Variants in PIK3AP1 observed in about 807,000 individuals in gnomAD.
PIK3AP1 encodes phosphoinositide-3-kinase adaptor protein 1, also known as phosphoinositide 3-kinase adapter protein 1.
Under a neutral mutation model 88.1 loss-of-function variants are expected in PIK3AP1, and 21 were observed. That is an observed-to-expected ratio of 0.24 (90% CI 0.17 to 0.34). The LOEUF (loss-of-function observed/expected upper bound fraction) is 0.34, where lower values mean the gene tolerates loss of function less well. PIK3AP1 is among the 10% of genes least tolerant of loss of function. PIK3AP1 has a pLI of 1.00. For missense variants in PIK3AP1, 828 were observed against 1,035.7 expected (o/e 0.80, Z 2.75); for synonymous variants, 398 against 400.0 (o/e 1.00, Z 0.06).
chr10:96,607,866 G>T (rs1849028895), intron 14 of PIK3AP1, among the ~76,000 whole-genome samples: 1 of 152,194 alleles, frequency 6.6e-6, no homozygotes. Context: ...TAAGTTGTAG[G>T]ATAAGGTATA....
In PIK3AP1 at chr10:96,679,334, C is replaced by A. The variant is rs573956699; in HGVS notation, c.431-22400G>T. On this transcript the variant is annotated intron_variant, in intron 2 of 16. Transcript: ENST00000339364. Reference sequence around the variant, plus strand: ...TTTGAGGTCAAGAGTTTGAGACCAGCCTGGCCAACATGGTGAAACCCCGCC... The same window carrying A: ...TTTGAGGTCAAGAGTTTGAGACCAGACTGGCCAACATGGTGAAACCCCGCC... Among the ~76,000 whole-genome samples, 9 of 152,166 alleles carry A rather than the reference C, an allele frequency of 5.9e-5. No homozygotes were observed. In the East Asian group the frequency reaches 1.5e-3, roughly 26 times the overall value.
intron 2 of PIK3AP1, among the ~76,000 whole-genome samples, chr10:96,705,429 C>G (rs1286518871): frequency 6.6e-6 from 1 of 152,184 alleles, no homozygotes; most frequent in Non-Finnish European, 1.5e-5. Context: ...CCTTCAAAGG[C>G]AACCCATTCC....
intron 2 of PIK3AP1, among the ~76,000 whole-genome samples, chr10:96,692,811 C>T (rs1010259166): frequency 9.9e-5 from 15 of 152,102 alleles, no homozygotes; most frequent in Admixed American, 8.5e-4. Flanking sequence ...AATAAATAAA[C>T]TTATTTTCTT....
chr10:96,605,440 G>A (rs1311566605), intron 14 of PIK3AP1, among the ~76,000 whole-genome samples: 1 of 152,160 alleles, frequency 6.6e-6, no homozygotes, highest in Non-Finnish European at 1.5e-5. Flanking sequence ...CACAGCATTA[G>A]AAGAAAGCCC....
chr10:96,628,082 G>A (rs1199723725), intron 9 of PIK3AP1, among the ~76,000 whole-genome samples: 1 of 152,166 alleles, frequency 6.6e-6, no homozygotes, highest in Non-Finnish European at 1.5e-5. Flanking sequence ...ATCCAGAACA[G>A]TGATTTGCAC....
chr10:96,714,020 A>T (rs1844471412), intron 1 of PIK3AP1, among the ~76,000 whole-genome samples: 1 of 152,186 alleles, frequency 6.6e-6, no homozygotes, highest in Non-Finnish European at 1.5e-5. Flanking sequence ...CTAAAAATAC[A>T]AAAATTAGCC....
intron 2 of PIK3AP1, among the ~76,000 whole-genome samples, chr10:96,659,331 C>T (rs1390372979): frequency 6.6e-6 from 1 of 152,110 alleles, no homozygotes; most frequent in East Asian, 1.9e-4. Flanking sequence ...TTCTGAGTGG[C>T]CACAGTGGCT....
At chr10:96,612,431 G>A (rs1278438870) in intron 13 of PIK3AP1, among the ~76,000 whole-genome samples, 1 of 152,076 alleles carries the variant, frequency 6.6e-6, no homozygotes, top group East Asian at 1.9e-4. Context: ...TTTCCCTAAG[G>A]CAAACGAAGT....
intron 6 of PIK3AP1, 43 bp downstream of exon 6, chr10:96,651,205 A>C: frequency 6.2e-7 from 1 of 1,612,710 alleles, no homozygotes; most frequent in Non-Finnish European, 8.5e-7. Context: ...AGCAGGCTAG[A>C]ATCAGCCCAC....
intron 2 of PIK3AP1, among the ~76,000 whole-genome samples, chr10:96,659,245 C>G (rs1843654385): frequency 6.6e-6 from 1 of 152,158 alleles, no homozygotes; most frequent in Non-Finnish European, 1.5e-5. Context: ...ATCCCATGGA[C>G]TTGAAACATT....
At position 96,604,024 on chromosome 10, in the gene PIK3AP1, G is replaced by A. The variant is rs1848956436; in HGVS notation, c.2196C>T (p.Thr732=). ...CGCTGCTCACACTGAGGAGGCTCCG[G>A]GTGCTGGAGCGGTTACTTGTGCTAC... is the stretch of plus-strand genomic sequence containing the variant. ...TASSTSNRSS[T]RSLLSVSSGM... The change falls in exon 15 of 17, where the codon ACC becomes ACT. Residue 732 remains threonine (T), a synonymous_variant. Transcript: ENST00000339364. 1.2e-6 allele frequency: 2 copies of A among 1,607,562 alleles called. No homozygotes were observed. The highest frequency in any genetic ancestry group is 2.2e-5 in the South Asian group (2 of 89,556).
At chr10:96,642,774 G>A (rs551956485) in intron 8 of PIK3AP1, among the ~76,000 whole-genome samples, 1 of 152,316 alleles carries the variant, frequency 6.6e-6, no homozygotes, top group African/African-American at 2.4e-5. Context: ...CAGGAATAAT[G>A]GAAGAGACAC....
intron 6 of PIK3AP1, among the ~76,000 whole-genome samples, chr10:96,650,160 C>G (rs2134232812): frequency 6.6e-6 from 1 of 152,268 alleles, no homozygotes; most frequent in East Asian, 1.9e-4. Context: ...TACAAAAGTG[C>G]TGCAAGAACA....
chr10:96,720,337 G>A lies in PIK3AP1; in HGVS notation c.13+45C>T. ...GCGCCTCAAGGGATGCGGGGTACGA[G>A]AGAGGGGCCGGGAGCCCGGGGACCC... is the stretch of plus-strand genomic sequence containing the variant. On this transcript the variant is annotated intron_variant, in intron 1 of 16. Coordinates refer to ENST00000339364, the MANE Select transcript of PIK3AP1 (RefSeq NM_152309.3). This position sits in a 1 kb window ranked among gnomAD's most constrained non-coding sequence, Gnocchi z 4.6. 1 of 1,242,986 alleles carries A rather than the reference G, an allele frequency of 8.0e-7. No homozygotes were observed. Among genetic ancestry groups the A allele is most frequent in the Non-Finnish European group, 1.0e-6 (1 of 987,676 alleles). The allele number at this position is 1,242,986 out of a possible 1,614,324, so 77.0% of individuals were successfully genotyped here. A position where few individuals can be genotyped will look rare whatever the true frequency, so the allele number is the denominator to read the frequency against.
At chr10:96,688,042 C>G (rs1320310109) in intron 2 of PIK3AP1, among the ~76,000 whole-genome samples, 1 of 151,642 alleles carries the variant, frequency 6.6e-6, no homozygotes, top group Non-Finnish European at 1.5e-5. Context: ...TTGAAGAAGC[C>G]TTGGCAGAGT....
Position 96,713,572 on chromosome 10 carries a change from T to C in PIK3AP1, c.14-3589A>G, listed in dbSNP as rs368184228. Among the ~76,000 whole-genome samples the C allele has an allele frequency of 6.8e-5, 10 of 147,916 alleles. 1 individual carries two copies. Among genetic ancestry groups the C allele is most frequent in the African/African-American group, 2.5e-4 (10 of 40,258 alleles). On this transcript the variant is annotated intron_variant, in intron 1 of 16. Transcript: ENST00000339364. ...GGTGGTGTGCTCCTATAGTCCCAGC[T>C]ACTCAGGAGACTGAGGTAGGAGGAT...
chr10:96,642,450 G>A (rs1368458867), intron 8 of PIK3AP1, among the ~76,000 whole-genome samples: 15 of 88,074 alleles, frequency 1.7e-4, no homozygotes, highest in Admixed American at 3.6e-4. Context: ...AAAACAGAAA[G>A]AAAGAAAGAA....
intron 16 of PIK3AP1, 75 bp from the exon 17 acceptor site, chr10:96,595,709 G>T: frequency 1.4e-6 from 2 of 1,455,318 alleles, no homozygotes; most frequent in Non-Finnish European, 1.9e-6. Flanking sequence ...ACAATTTGTT[G>T]CAAACTTGGT....
intron 2 of PIK3AP1, among the ~76,000 whole-genome samples, chr10:96,673,082 G>A (rs1203214474): frequency 2.0e-5 from 3 of 152,208 alleles, no homozygotes; most frequent in Admixed American, 6.5e-5. Context: ...CAGAAGAACA[G>A]AAGGAACAGC....
Sources: allele counts gnomAD v4.1 joint callset (sites outside exome capture counted in the v4.1 genomes callset), GRCh38; gene constraint gnomAD v4.1.1; non-coding constraint Gnocchi (gnomAD v3.1); transcripts MANE v1.5; gene names NCBI Gene and HGNC (gene_info 2026-07-23, HGNC 2026-07-21).